The following ATAD2B variants were observed in gnomAD, a reference collection of about 807,000 sequenced individuals.
The protein encoded by ATAD2B is ATPase family AAA domain-containing protein 2B.
A neutral mutation model predicts 167.6 loss-of-function variants in ATAD2B; 40 were observed. The ratio of observed to expected loss-of-function variants is 0.24; its 90% CI spans 0.19 to 0.31. The LOEUF is 0.31. Among genes scored for constraint, ATAD2B ranks in the 10% least tolerant of loss-of-function variants. ATAD2B has a pLI of 1.00. For synonymous variants in ATAD2B, 579 were observed against 596.5 expected (o/e 0.97, Z 0.43); for missense variants, 1,242 against 1,757.2 (o/e 0.71, Z 5.24).
Position 23,926,830 on chromosome 2 carries a change from G to A in ATAD2B, c.-60C>T. ...CGGGAGAGCCGAGCAAGGCCGGCCCGCCGGCCGGTCAGTCAGGGCCAGCGG... is the reference window on the plus strand; with the variant it reads ...CGGGAGAGCCGAGCAAGGCCGGCCCACCGGCCGGTCAGTCAGGGCCAGCGG... On this transcript the variant is annotated 5_prime_UTR_variant, in exon 1 of 28. Transcript: ENST00000238789. 9 of 1,450,278 alleles carry A rather than the reference G, an allele frequency of 6.2e-6. No homozygotes were observed. Among genetic ancestry groups the A allele is most frequent in the South Asian group, 2.9e-5 (2 of 68,636 alleles). 89.8% of individuals were successfully genotyped at this position (1,450,278 alleles called of 1,614,324 possible). A position where few individuals can be genotyped will look rare whatever the true frequency, so the allele number is the denominator to read the frequency against.
At chr2:23,805,795 T>TAAAAAAAA (rs3030816) in intron 18 of ATAD2B, among the ~76,000 whole-genome samples, 2,017 of 100,882 alleles carry the variant, frequency 0.02, 71 homozygotes, top group African/African-American at 0.062. Context: ...TATCAAGCTT[T>TAAAAAAAA]AAAAAAAAAA....
intron 8 of ATAD2B, chr2:23,872,216 C>T (rs1426510679): frequency 2.8e-6 from 1 of 356,440 alleles, no homozygotes; most frequent in Admixed American, 3.7e-5. Context: ...GAAGGTCTCA[C>T]TCTGTCAACC....
At chr2:23,715,446 C>T in the ATAD2B span, among the ~76,000 whole-genome samples, 4 of 151,712 alleles carry the variant, frequency 2.6e-5, no homozygotes, top group African/African-American at 9.7e-5. Context: ...TGGTGGCAGG[C>T]GCCTGTAGTC....
chr2:23,714,221 T>C, the ATAD2B span, among the ~76,000 whole-genome samples: 7 of 151,906 alleles, frequency 4.6e-5, no homozygotes, highest in African/African-American at 1.7e-4. Context: ...CAAATTCTAA[T>C]TTAGAATTCT....
intron 23 of ATAD2B, among the ~76,000 whole-genome samples, 158 bp downstream of exon 23, chr2:23,765,348 T>C (rs1677266552): frequency 6.6e-6 from 1 of 152,218 alleles, no homozygotes; most frequent in African/African-American, 2.4e-5. Flanking sequence ...TAAAATATCT[T>C]TGAGAATTTA....
At chr2:23,699,803 G>C in the ATAD2B span, among the ~76,000 whole-genome samples, 1 of 152,122 alleles carries the variant, frequency 6.6e-6, no homozygotes, top group East Asian at 1.9e-4. Context: ...CCTTCACACT[G>C]CAAGGCAGCC....
the ATAD2B span, among the ~76,000 whole-genome samples, chr2:23,701,712 G>GCACTCA: frequency 3.3e-5 from 5 of 150,816 alleles, no homozygotes; most frequent in East Asian, 9.7e-4. Context: ...GCAAGACCCT[G>GCACTCA]CCTCAAACAA....
chr2:23,801,162 G>T (rs1683433426), intron 18 of ATAD2B, among the ~76,000 whole-genome samples: 1 of 151,394 alleles, frequency 6.6e-6, no homozygotes, highest in Non-Finnish European at 1.5e-5. Flanking sequence ...TTCCCATTTT[G>T]TAATAAAAAT....
intron 1 of ATAD2B, among the ~76,000 whole-genome samples, chr2:23,913,156 A>G (rs930239807): frequency 2.6e-5 from 4 of 152,170 alleles, no homozygotes; most frequent in African/African-American, 9.7e-5. Flanking sequence ...ATTTTTCCCC[A>G]GCACACAATA....
At chr2:23,698,548 T>TG in the ATAD2B span, among the ~76,000 whole-genome samples, 1 of 141,906 alleles carries the variant, frequency 7.0e-6, no homozygotes, top group Non-Finnish European at 1.5e-5. Flanking sequence ...TGATAATGAA[T>TG]GAGATATATG....
chr2:23,837,657 T>C (rs780971000), intron 13 of ATAD2B, among the ~76,000 whole-genome samples: 22 of 152,258 alleles, frequency 1.4e-4, no homozygotes, highest in Non-Finnish European at 2.8e-4. Context: ...GCCATCACTG[T>C]GAACTGTATC....
At chr2:23,702,148 C>A in the ATAD2B span, among the ~76,000 whole-genome samples, 1 of 152,132 alleles carries the variant, frequency 6.6e-6, no homozygotes, top group Non-Finnish European at 1.5e-5. Flanking sequence ...AACTACCCCC[C>A]ACTTCCAGCC....
intron 26 of ATAD2B, 65 bp downstream of exon 26, chr2:23,754,582 G>T: frequency 1.3e-6 from 2 of 1,567,178 alleles, no homozygotes; most frequent in South Asian, 1.2e-5. Context: ...TTACTCAACT[G>T]CCTACAAACA....
chr2:23,863,263 C>G, intron 12 of ATAD2B, 118 bp downstream of exon 12: 2 of 945,934 alleles, frequency 2.1e-6, no homozygotes, highest in Non-Finnish European at 3.1e-6. Context: ...GAGACGAGAT[C>G]ACGCTATTGC....
intron 2 of ATAD2B, among the ~76,000 whole-genome samples, chr2:23,890,500 T>C (rs1016546544): frequency 5.5e-4 from 84 of 152,298 alleles, no homozygotes; most frequent in African/African-American, 1.9e-3. Context: ...CATTACACAA[T>C]GCATTCCTGG....
the ATAD2B span, among the ~76,000 whole-genome samples, chr2:23,700,283 G>GTTGT: frequency 5.3e-5 from 8 of 152,198 alleles, no homozygotes; most frequent in Non-Finnish European, 1.0e-4. The surrounding 1 kb of genome is among the most constrained non-coding windows in gnomAD (Gnocchi z 4.6). Context: ...CTCTGAGCCA[G>GTTGT]TTGTTTTAAC....
chr2:23,788,563 CTT>C lies in ATAD2B; in HGVS notation c.2723_2724del (p.Gln908ArgfsTer70). ...ATTGATGCCTGATTGAGAATCAATT[CTT>C]GAAAAAATTTTCTTCTGTCTTCTTC... ...PIEEDRRKFF[Q>X]ELILNQASMA... On this transcript the variant is annotated frameshift_variant, in exon 20 of 28. Transcript: ENST00000238789. LOFTEE classifies it high-confidence loss of function. The C allele has an allele frequency of 6.2e-7, 1 of 1,613,160 alleles. No individual in the cohort carries two copies. The highest frequency in any genetic ancestry group is 8.5e-7 in the Non-Finnish European group (1 of 1,179,302).
chr2:23,908,940 A>G (rs561529440), intron 1 of ATAD2B, among the ~76,000 whole-genome samples: 1 of 140,290 alleles, frequency 7.1e-6, no homozygotes, highest in African/African-American at 2.7e-5. Flanking sequence ...TTGAACAATG[A>G]TAACACATGG....
At chr2:23,777,368 A>ATATCTT (rs879391725) in intron 22 of ATAD2B, among the ~76,000 whole-genome samples, 3,718 of 151,902 alleles carry the variant, frequency 0.024, 53 homozygotes, top group Middle Eastern at 0.044. Context: ...ATCTATATCT[A>ATATCTT]TATCTATATC....
Sources: gnomAD v4.1 joint callset for allele counts (sites outside exome capture counted in the v4.1 genomes callset) on GRCh38, gnomAD v4.1.1 for gene constraint, Gnocchi (gnomAD v3.1) non-coding constraint, MANE v1.5 for transcripts, NCBI Gene and HGNC (gene_info 2026-07-23, HGNC 2026-07-21) for gene names.